Variants in GALNTL6 observed in about 807,000 individuals in gnomAD.
The protein encoded by GALNTL6 is polypeptide N-acetylgalactosaminyltransferase like 6.
A neutral mutation model predicts 73.7 loss-of-function variants in GALNTL6; 46 were observed. The observed-to-expected ratio is 0.62, with a 90% confidence interval of 0.49 to 0.80. GALNTL6 has a LOEUF of 0.80. GALNTL6 is among the 30% of genes least tolerant of loss of function. GALNTL6 has a pLI of 0.00. For synonymous variants in GALNTL6, 259 were observed against 263.7 expected (o/e 0.98, Z 0.17); for missense variants, 604 against 755.0 (o/e 0.80, Z 2.34).
intron 2 of GALNTL6, among the ~76,000 whole-genome samples, chr4:172,219,207 A>ATATATATATATATATG (rs1487195098): frequency 6.8e-6 from 1 of 146,046 alleles, no homozygotes; most frequent in Non-Finnish European, 1.5e-5. Flanking sequence ...GTGTATATAT[A>ATATATATATATATATG]TATATATATA....
intron 5 of GALNTL6, among the ~76,000 whole-genome samples, chr4:172,561,987 G>C (rs1736389490): frequency 1.3e-5 from 2 of 152,104 alleles, no homozygotes; most frequent in Admixed American, 1.3e-4. Context: ...ATTCAGATCT[G>C]GATTTTGCTA....
intron 5 of GALNTL6, among the ~76,000 whole-genome samples, chr4:172,405,437 ATATATATTTTTTTTT>A (rs1199419412): frequency 3.5e-4 from 1 of 2,832 alleles, no homozygotes. Flanking sequence ...ATATATATAT[ATATATATTTTTTTTT>A]TTTTTTTTTT....
chr4:171,944,232 T>C (rs1661244782), intron 2 of GALNTL6, among the ~76,000 whole-genome samples: 4 of 152,078 alleles, frequency 2.6e-5, no homozygotes, highest in Admixed American at 2.0e-4. Flanking sequence ...GTAATTTTAA[T>C]ACCTTATTAA....
intron 7 of GALNTL6, among the ~76,000 whole-genome samples, chr4:172,846,768 G>T (rs1228112789): frequency 6.6e-6 from 1 of 152,094 alleles, no homozygotes. Context: ...CATGTACACT[G>T]CAGGCACTAC....
At chr4:172,110,792 T>C (rs1206444168) in intron 2 of GALNTL6, among the ~76,000 whole-genome samples, 1 of 152,146 alleles carries the variant, frequency 6.6e-6, no homozygotes, top group Non-Finnish European at 1.5e-5. Context: ...GGATGATACA[T>C]TTGAATCTCT....
intron 2 of GALNTL6, among the ~76,000 whole-genome samples, chr4:172,180,109 T>C (rs2110850704): frequency 6.6e-6 from 1 of 152,352 alleles, no homozygotes; most frequent in Admixed American, 6.5e-5. Flanking sequence ...CAGCATCTGT[T>C]GTTTCCTGAC....
intron 7 of GALNTL6, among the ~76,000 whole-genome samples, chr4:172,836,961 G>A (rs1329571573): frequency 6.6e-6 from 1 of 152,096 alleles, no homozygotes; most frequent in African/African-American, 2.4e-5. Flanking sequence ...CATGTGCCTT[G>A]ATTACTTTAC....
chr4:172,886,582 G>C (rs550342208), intron 8 of GALNTL6, among the ~76,000 whole-genome samples: 3 of 152,176 alleles, frequency 2.0e-5, no homozygotes, highest in African/African-American at 7.2e-5. Context: ...TCATGAACAT[G>C]GTGAAACCCT....
chr4:172,747,924 C>T (rs1054802867), intron 5 of GALNTL6, among the ~76,000 whole-genome samples: 2 of 150,384 alleles, frequency 1.3e-5, no homozygotes, highest in African/African-American at 4.9e-5. Flanking sequence ...GCTAAATAAG[C>T]CAGGCACAGA....
chr4:172,886,380 T>C (rs1745719010), intron 8 of GALNTL6, among the ~76,000 whole-genome samples: 1 of 151,926 alleles, frequency 6.6e-6, no homozygotes, highest in Admixed American at 6.6e-5. Context: ...GTCTCAGTTG[T>C]TGTGTCTCCT....
intron 10 of GALNTL6, 146 bp downstream of exon 10, chr4:172,952,404 T>G: frequency 3.3e-6 from 2 of 615,060 alleles, no homozygotes; most frequent in Non-Finnish European, 5.8e-6. Context: ...AATACATGAA[T>G]GTTCAACCTC....
chr4:172,631,997 A>G (rs1442502579), intron 5 of GALNTL6, among the ~76,000 whole-genome samples: 1 of 152,226 alleles, frequency 6.6e-6, no homozygotes, highest in Non-Finnish European at 1.5e-5. Flanking sequence ...GGTTTTATAA[A>G]TGGGAGTTCC....
chr4:172,433,559 G>T (rs755636121), intron 5 of GALNTL6, among the ~76,000 whole-genome samples: 1 of 152,042 alleles, frequency 6.6e-6, no homozygotes, highest in South Asian at 2.1e-4. Context: ...GAGTTTCAGG[G>T]CATTAGCCAA....
intron 7 of GALNTL6, among the ~76,000 whole-genome samples, chr4:172,874,836 A>C (rs997016338): frequency 6.6e-6 from 1 of 152,184 alleles, no homozygotes; most frequent in Non-Finnish European, 1.5e-5. Flanking sequence ...TTGACAAAAG[A>C]CTTTGTGAAG....
chr4:172,788,690 A>AAGAT (rs1179636677), intron 5 of GALNTL6, among the ~76,000 whole-genome samples: 8 of 151,262 alleles, frequency 5.3e-5, no homozygotes, highest in South Asian at 2.1e-4. Flanking sequence ...AAAAAAAAAA[A>AAGAT]AGATAGATAG....
At chr4:172,854,256 C>G (rs1433593253) in intron 7 of GALNTL6, among the ~76,000 whole-genome samples, 1 of 152,220 alleles carries the variant, frequency 6.6e-6, no homozygotes, top group African/African-American at 2.4e-5. Flanking sequence ...ACTACTCAAT[C>G]TCCACACTCG....
chr4:172,696,324 T>C (rs975757221), intron 5 of GALNTL6, among the ~76,000 whole-genome samples: 2 of 152,228 alleles, frequency 1.3e-5, no homozygotes, highest in African/African-American at 4.8e-5. Flanking sequence ...TTTCCTGTTG[T>C]TTCACATAAT....
intron 5 of GALNTL6, among the ~76,000 whole-genome samples, chr4:172,582,146 T>C (rs542859264): frequency 3.4e-4 from 52 of 152,298 alleles, no homozygotes; most frequent in Admixed American, 1.2e-3. Flanking sequence ...TGGCCCTTGA[T>C]GGGCCTTGTG....
At chr4:172,741,809 A>G (rs1265062782) in intron 5 of GALNTL6, among the ~76,000 whole-genome samples, 1 of 152,034 alleles carries the variant, frequency 6.6e-6, no homozygotes, top group Non-Finnish European at 1.5e-5. Flanking sequence ...AGAATAGAAG[A>G]CATCAAGTTC....
Sources: gnomAD v4.1 joint callset for allele counts (sites outside exome capture counted in the v4.1 genomes callset) on GRCh38, gnomAD v4.1.1 for gene constraint, MANE v1.5 for transcripts, NCBI Gene and HGNC (gene_info 2026-07-23, HGNC 2026-07-21) for gene names.